DCDC1: variants seen among roughly 807,000 people sequenced by gnomAD.
DCDC1 encodes the protein doublecortin domain containing 1.
Under a neutral mutation model 178.3 loss-of-function variants are expected in DCDC1, and 200 were observed. That is an observed-to-expected ratio of 1.12 (90% CI 1.00 to 1.26). The LOEUF (loss-of-function observed/expected upper bound fraction) is 1.26, where lower values mean the gene tolerates loss of function less well. Among genes scored for constraint, DCDC1 ranks in the 50% most tolerant of loss-of-function variants. The pLI is 0.00. For missense variants in DCDC1, 1,983 were observed against 1,749.2 expected (o/e 1.13, Z -2.38); for synonymous variants, 690 against 604.8 (o/e 1.14, Z -2.07).
intron 11 of DCDC1, among the ~76,000 whole-genome samples, chr11:31,124,038 T>C (rs1961206480): frequency 6.6e-6 from 1 of 152,028 alleles, no homozygotes; most frequent in Non-Finnish European, 1.5e-5. Context: ...GAAAGTATTT[T>C]AAAGCACATT....
At chr11:31,332,859 T>C (rs1391938330) in intron 2 of DCDC1, among the ~76,000 whole-genome samples, 1 of 152,238 alleles carries the variant, frequency 6.6e-6, no homozygotes, top group African/African-American at 2.4e-5. Context: ...TATATTCTGC[T>C]GATCTGGGGT....
chr11:31,166,369 C>G (rs368577785), intron 9 of DCDC1, among the ~76,000 whole-genome samples: 1 of 151,976 alleles, frequency 6.6e-6, no homozygotes, highest in Non-Finnish European at 1.5e-5. Context: ...AACTGAAATA[C>G]GAAAATAAAT....
chr11:31,107,528 T>G (rs1958930781), intron 12 of DCDC1, among the ~76,000 whole-genome samples: 1 of 152,198 alleles, frequency 6.6e-6, no homozygotes, highest in African/African-American at 2.4e-5. Context: ...ATGAATGTTT[T>G]TAAGTTGTAA....
intron 1 of DCDC1, among the ~76,000 whole-genome samples, chr11:31,361,418 C>G (rs1419443431): frequency 6.6e-6 from 1 of 152,134 alleles, no homozygotes; most frequent in East Asian, 1.9e-4. Flanking sequence ...ATTACCAATA[C>G]CTATCTTTAG....
At chr11:31,314,217 G>C (rs1240187805) in intron 3 of DCDC1, among the ~76,000 whole-genome samples, 1 of 151,970 alleles carries the variant, frequency 6.6e-6, no homozygotes, top group African/African-American at 2.4e-5. Context: ...TTAATCTTTT[G>C]CCATGATATA....
chr11:30,950,237 A>G (rs938448931), intron 21 of DCDC1, among the ~76,000 whole-genome samples: 2 of 152,122 alleles, frequency 1.3e-5, no homozygotes, highest in African/African-American at 4.8e-5. Context: ...CCAACCCTAC[A>G]CTGTTGGTGG....
In DCDC1 at chr11:31,305,720, A is replaced by T. The variant is rs770578290; in HGVS notation, c.649T>A (p.Leu217Met). Reference protein sequence around the residue: ...NLNMAARRVFLADGKEALEPE... With the variant: ...NLNMAARRVFMADGKEALEPE... ...TCGAGGGCTTCCTTGCCGTCTGCCA[A>T]GAACACTCGTCTTGCGGCCATGTTC... The change falls in exon 6 of 39, where the codon TTG becomes ATG. Residue 217 changes from leucine to methionine, a missense_variant. Coordinates refer to ENST00000684477, the MANE Select transcript of DCDC1 (RefSeq NM_001387274.1). 1 of 1,613,850 alleles carries T rather than the reference A, an allele frequency of 6.2e-7. No homozygotes were observed. The highest frequency in any genetic ancestry group is 1.3e-5 in the African/African-American group (1 of 75,016).
At chr11:30,922,224 C>G (rs112295476) in intron 24 of DCDC1, among the ~76,000 whole-genome samples, 3,132 of 152,186 alleles carry the variant, frequency 0.021, 98 homozygotes, top group African/African-American at 0.071. Flanking sequence ...ATGGATGGAA[C>G]AAAATGTAAA....
intron 9 of DCDC1, among the ~76,000 whole-genome samples, chr11:31,213,840 A>G (rs1973177199): frequency 2.0e-5 from 3 of 151,502 alleles, no homozygotes; most frequent in Admixed American, 2.0e-4. Flanking sequence ...ACTTGTTTAA[A>G]AAAGGGAGTA....
At chr11:30,920,703 G>C in intron 25 of DCDC1, 73 bp downstream of exon 25, 2 of 1,561,290 alleles carry the variant, frequency 1.3e-6, no homozygotes, top group Non-Finnish European at 1.7e-6. Flanking sequence ...CATGGGCTCT[G>C]TGCTGTTATC....
At chr11:31,210,307 GAAAGGTAC>G (rs1972340424) in intron 9 of DCDC1, among the ~76,000 whole-genome samples, 1 of 152,182 alleles carries the variant, frequency 6.6e-6, no homozygotes, top group Non-Finnish European at 1.5e-5. Flanking sequence ...CCCAGTTCCA[GAAAGGTAC>G]TATACTCCTG....
chr11:31,101,837 G>A (rs925684342), intron 15 of DCDC1, among the ~76,000 whole-genome samples: 1 of 152,120 alleles, frequency 6.6e-6, no homozygotes, highest in African/African-American at 2.4e-5. Flanking sequence ...AGCAATTTGG[G>A]AGGCCGAGGT....
At chr11:31,284,762 C>T (rs942826579) in intron 7 of DCDC1, among the ~76,000 whole-genome samples, 1 of 151,840 alleles carries the variant, frequency 6.6e-6, no homozygotes, top group African/African-American at 2.4e-5. Context: ...CCTCAGCCTC[C>T]CAAGTAGCTT....
In DCDC1 at chr11:31,142,224, C is replaced by A. The variant is rs184050694; in HGVS notation, c.1222-4440G>T. On this transcript the variant is annotated intron_variant, in intron 9 of 38. Transcript: ENST00000684477. ...AATTCATTACTGGAATTAAGAGTGG[C>A]CACACAAAAAATATTTGGTAAAAGA... Among the ~76,000 whole-genome samples the A allele has an allele frequency of 2.8e-4, 43 of 152,156 alleles. 1 individual carries two copies. Among genetic ancestry groups the A allele is most frequent in the Admixed American group, 1.2e-3 (19 of 15,268 alleles).
intron 15 of DCDC1, among the ~76,000 whole-genome samples, chr11:31,099,552 A>C (rs1377819460): frequency 6.6e-6 from 1 of 152,120 alleles, no homozygotes; most frequent in Non-Finnish European, 1.5e-5. Context: ...GCCATGCAAG[A>C]AGTTGTAAGA....
At chr11:31,108,498 G>A (rs1483084021) in intron 12 of DCDC1, among the ~76,000 whole-genome samples, 1 of 152,092 alleles carries the variant, frequency 6.6e-6, no homozygotes, top group Admixed American at 6.6e-5. Context: ...ATGTTATGCT[G>A]ATCATTTTTT....
intron 5 of DCDC1, 139 bp downstream of exon 5, chr11:31,306,093 G>A: frequency 1.1e-6 from 1 of 888,626 alleles, no homozygotes; most frequent in South Asian, 3.8e-5. Context: ...AAATTCCTAT[G>A]AAATCTACGT....
At position 31,014,732 on chromosome 11, in the gene DCDC1, C is replaced by T. The variant is rs11819756; in HGVS notation, c.2591+49737G>A. 7.9e-3 allele frequency among the ~76,000 whole-genome samples: 1,210 copies of T among 152,266 alleles called. 16 individuals carry two copies. Among genetic ancestry groups the T allele is most frequent in the African/African-American group, 0.027 (1,131 of 41,552 alleles). On this transcript the variant is annotated intron_variant, in intron 20 of 38. Transcript: ENST00000684477. The stretch of plus-strand genomic sequence containing the variant: ...AATTATAATCCTTCATGACCATCAG[C>T]CTATCAGTTAGATGCACAACCATAA...
At chr11:30,940,342 G>A (rs1475397941) in intron 21 of DCDC1, among the ~76,000 whole-genome samples, 1 of 152,046 alleles carries the variant, frequency 6.6e-6, no homozygotes, top group African/African-American at 2.4e-5. Context: ...TGTTATGATT[G>A]CCTAACTAAC....
Sources: allele counts gnomAD v4.1 joint callset (sites outside exome capture counted in the v4.1 genomes callset), GRCh38; gene constraint gnomAD v4.1.1; transcripts MANE v1.5; gene names NCBI Gene and HGNC (gene_info 2026-07-23, HGNC 2026-07-21).